CCDC57: variants seen among roughly 807,000 people sequenced by gnomAD.
CCDC57 encodes the protein coiled-coil domain containing 57, also known as coiled-coil domain-containing protein 57.
In CCDC57, 118 loss-of-function variants were observed where a neutral mutation model predicts 118.9. The ratio of observed to expected loss-of-function variants is 0.99; its 90% CI spans 0.86 to 1.16. The LOEUF is 1.16. Ranked by LOEUF, CCDC57 falls within the 50% of genes most tolerant of loss-of-function variation. The probability of loss-of-function intolerance (pLI) is 0.00; values close to 1 mark genes in which losing one functional copy is unlikely to be tolerated. For missense variants in CCDC57, 1,300 were observed against 1,320.7 expected, an observed-to-expected ratio of 0.98 and a Z score of 0.24; for synonymous variants, 527 against 532.9, an observed-to-expected ratio of 0.99 and a Z score of 0.15.
intron 19 of CCDC57, among the ~76,000 whole-genome samples, chr17:82,109,231 G>A (rs892200601): frequency 3.3e-5 from 5 of 152,318 alleles, no homozygotes; most frequent in East Asian, 3.9e-4. Context: ...CCAGCGCCCC[G>A]CAGGAGAGCT....
intron 19 of CCDC57, among the ~76,000 whole-genome samples, chr17:82,114,651 C>T (rs2144977870): frequency 6.6e-6 from 1 of 152,204 alleles, no homozygotes. Context: ...CGATCCCGTG[C>T]TCTGTCTTCT....
chr17:82,128,942 G>A (rs1172183158), intron 17 of CCDC57, among the ~76,000 whole-genome samples: 1 of 151,086 alleles, frequency 6.6e-6, no homozygotes, highest in Admixed American at 6.6e-5. Flanking sequence ...TTTTTGAGAC[G>A]GAGTCTTGCT....
Position 82,201,778 on chromosome 17 carries a change from TC to T in CCDC57, c.166del (p.Asp56ThrfsTer37). On this transcript the variant is annotated frameshift_variant, in exon 3 of 20. Transcript: ENST00000665763. LOFTEE classifies it high-confidence loss of function. ...CAGCACCTGAAGGTTGTAGACAAAG[TC>T]CTCCTGCAGGCACCGCAGTTTCCCC... The T allele has an allele frequency of 1.9e-6, 3 of 1,613,770 alleles. 1 individual carries two copies. The Middle Eastern group carries it at 4.9e-4, about 266-fold the overall frequency.
chr17:82,191,114 T>A (rs1421351254), intron 7 of CCDC57, among the ~76,000 whole-genome samples: 2 of 113,560 alleles, frequency 1.8e-5, no homozygotes, highest in African/African-American at 6.6e-5. Context: ...AAAATAAAAA[T>A]AAAAAATAAA....
At chr17:82,155,520 G>C (rs1217135567) in intron 15 of CCDC57, 1 of 152,402 alleles carries the variant, frequency 6.6e-6, no homozygotes, top group African/African-American at 2.4e-5. Context: ...CCTGTGAGCA[G>C]GGCAGGAACC....
chr17:82,207,965 T>A (rs938977033), exon 2 of CCDC57: 8 of 152,206 alleles, frequency 5.3e-5, no homozygotes, highest in African/African-American at 1.9e-4. Flanking sequence ...TCCCACCACA[T>A]TTGATCACAG....
chr17:82,203,896 C>T (rs974797706), intron 2 of CCDC57, among the ~76,000 whole-genome samples: 2 of 152,224 alleles, frequency 1.3e-5, no homozygotes, highest in Non-Finnish European at 2.9e-5. Flanking sequence ...GGCACCTCTG[C>T]ATCTCGGGGC....
chr17:82,131,690 TG>T (rs1255157692), intron 17 of CCDC57, among the ~76,000 whole-genome samples: 3 of 152,054 alleles, frequency 2.0e-5, no homozygotes, highest in East Asian at 3.9e-4. Flanking sequence ...AGACAGACGT[TG>T]CAATAAGCCG....
At chr17:82,148,405 A>G (rs1327186684) in intron 16 of CCDC57, among the ~76,000 whole-genome samples, 7 of 5,908 alleles carry the variant, frequency 1.2e-3, no homozygotes, top group Non-Finnish European at 1.5e-3. Flanking sequence ...GGGTGGGTGG[A>G]TGGATGGATG....
intron 8 of CCDC57, among the ~76,000 whole-genome samples, chr17:82,185,495 T>A (rs2046815591): frequency 6.7e-6 from 1 of 149,668 alleles, no homozygotes; most frequent in African/African-American, 2.5e-5. Flanking sequence ...GGCACGCACC[T>A]GTAGTCCCAG....
At position 82,177,142 on chromosome 17, in the gene CCDC57, G is replaced by A. The variant is rs375495005; in HGVS notation, c.1506+1332C>T. Reference sequence around the variant, plus strand: ...TGCCTGTAATCTGAGCGCTTTGGGAGGCTTAGGCAGGCGAATCACCTGGGT... The same window carrying A: ...TGCCTGTAATCTGAGCGCTTTGGGAAGCTTAGGCAGGCGAATCACCTGGGT... On this transcript the variant is annotated intron_variant, in intron 11 of 19. Coordinates refer to ENST00000665763, the Ensembl canonical transcript of CCDC57. Among the ~76,000 whole-genome samples the A allele has an allele frequency of 1.7e-4, 26 of 152,164 alleles. 1 individual carries two copies. In the South Asian group the frequency reaches 5.4e-3, roughly 32 times the overall value.
intron 7 of CCDC57, among the ~76,000 whole-genome samples, chr17:82,190,130 G>A (rs1012868158): frequency 1.3e-5 from 2 of 151,882 alleles, no homozygotes; most frequent in Non-Finnish European, 2.9e-5. Flanking sequence ...TCCCAGCATA[G>A]AGTGACTTCT....
intron 9 of CCDC57, among the ~76,000 whole-genome samples, chr17:82,182,128 GAAAA>G (rs965269322): frequency 6.6e-6 from 1 of 151,374 alleles, no homozygotes; most frequent in Non-Finnish European, 1.5e-5. Flanking sequence ...AAAAAAAAAA[GAAAA>G]AAAGTTGAGA....
At chr17:82,134,457 A>T in intron 16 of CCDC57, 1 of 333,144 alleles carries the variant, frequency 3.0e-6, no homozygotes, top group Non-Finnish European at 5.4e-6. Context: ...CACATTCGCT[A>T]ACAGAAGCAC....
chr17:82,115,695 A>C (rs1478693521), intron 19 of CCDC57, among the ~76,000 whole-genome samples: 3 of 151,718 alleles, frequency 2.0e-5, no homozygotes, highest in African/African-American at 7.3e-5. Flanking sequence ...GAATCACTTG[A>C]ACCTGGGAGG....
chr17:82,156,900 C>T (rs532308606), intron 15 of CCDC57: 4 of 152,470 alleles, frequency 2.6e-5, no homozygotes, highest in African/African-American at 4.8e-5. Flanking sequence ...TCCCCAAGCA[C>T]GGTGCCCTGG....
chr17:82,201,704 C>T, exon 3 of CCDC57: 3 of 1,613,956 alleles, frequency 1.9e-6, no homozygotes, highest in Non-Finnish European at 2.5e-6. Flanking sequence ...CACTCCCTGG[C>T]CTGGGCGAAG....
intron 19 of CCDC57, among the ~76,000 whole-genome samples, chr17:82,124,648 T>C (rs2037170465): frequency 6.6e-6 from 1 of 151,656 alleles, no homozygotes; most frequent in African/African-American, 2.4e-5. Flanking sequence ...AAAACAATCT[T>C]AGCTGAGCGT....
intron 3 of CCDC57, among the ~76,000 whole-genome samples, chr17:82,198,901 G>A (rs2048631258): frequency 6.6e-6 from 1 of 151,382 alleles, no homozygotes; most frequent in South Asian, 2.1e-4. Context: ...GCTGAGGCAG[G>A]AGAATGGCGT....
Sources: allele counts gnomAD v4.1 joint callset (sites outside exome capture counted in the v4.1 genomes callset), GRCh38; gene constraint gnomAD v4.1.1; transcripts MANE v1.5; gene names NCBI Gene and HGNC (gene_info 2026-07-23, HGNC 2026-07-21).